TTC6: variants seen among roughly 807,000 people sequenced by gnomAD.
TTC6 encodes the protein tetratricopeptide repeat domain 6.
In TTC6, 172 loss-of-function variants were observed where a neutral mutation model predicts 210.4. That is an observed-to-expected ratio of 0.82 (90% CI 0.72 to 0.93). The LOEUF (loss-of-function observed/expected upper bound fraction) is 0.93. TTC6 is among the 40% of genes least tolerant of loss of function. The pLI is 0.00. For synonymous variants in TTC6, 804 were observed against 819.6 expected (o/e 0.98, Z 0.32); for missense variants, 2,414 against 2,318.1 (o/e 1.04, Z -0.85).
chr14:37,671,198 G>C (rs1242398982), intron 1 of TTC6, among the ~76,000 whole-genome samples: 1 of 152,186 alleles, frequency 6.6e-6, no homozygotes, highest in Non-Finnish European at 1.5e-5. Flanking sequence ...TTTGGTGCTG[G>C]TTGTTGGCAG....
At chr14:37,657,667 A>G (rs2095727406) in intron 1 of TTC6, among the ~76,000 whole-genome samples, 1 of 152,240 alleles carries the variant, frequency 6.6e-6, no homozygotes, top group Non-Finnish European at 1.5e-5. Flanking sequence ...TAGTATTTTA[A>G]TAAAAAATCA....
chr14:37,810,180 G>A (rs1299194107), intron 24 of TTC6, among the ~76,000 whole-genome samples: 1 of 152,144 alleles, frequency 6.6e-6, no homozygotes, highest in Non-Finnish European at 1.5e-5. Context: ...TTTAACAAGG[G>A]GATTGTTAAG....
At chr14:37,828,394 A>G (rs1457428259) in intron 29 of TTC6, among the ~76,000 whole-genome samples, 1 of 151,874 alleles carries the variant, frequency 6.6e-6, no homozygotes, top group East Asian at 1.9e-4. Flanking sequence ...TTATATTGTA[A>G]TAAGTTATTA....
intron 14 of TTC6, among the ~76,000 whole-genome samples, chr14:37,771,842 C>T (rs11844997): frequency 9.2e-5 from 14 of 152,136 alleles, no homozygotes; most frequent in African/African-American, 2.2e-4. Context: ...TTCCGTTGCT[C>T]GTGAGGAACT....
At chr14:37,758,403 C>T (rs2095974222) in intron 14 of TTC6, among the ~76,000 whole-genome samples, 1 of 152,166 alleles carries the variant, frequency 6.6e-6, no homozygotes. Flanking sequence ...GGATAGTTAG[C>T]TCTTCTTGTT....
At chr14:37,773,659 G>A (rs2096027838) in intron 14 of TTC6, among the ~76,000 whole-genome samples, 1 of 152,106 alleles carries the variant, frequency 6.6e-6, no homozygotes, top group African/African-American at 2.4e-5. Flanking sequence ...GGTTGCTGTG[G>A]CCTTGTAGTA....
chr14:37,732,705 G>T (rs1390769904), intron 7 of TTC6, among the ~76,000 whole-genome samples: 2 of 151,380 alleles, frequency 1.3e-5, no homozygotes, highest in African/African-American at 4.9e-5. Flanking sequence ...TGCAAGCTCC[G>T]CCTCCTGGGT....
At position 37,826,324 on chromosome 14, in the gene TTC6, C is replaced by T; in HGVS notation, c.5104C>T (p.Gln1702Ter). ...GATGGGTAATAATTTTGCTGCAATG[C>T]AGGATATTAATGCTGCCATGAAGGT... The change falls in exon 28 of 31, where the codon CAG (glutamine) becomes TAG (stop). Residue 1702 changes from glutamine (Q) to a stop codon, truncating the protein, a stop_gained. Coordinates refer to ENST00000553443, the Ensembl canonical transcript of TTC6. LOFTEE classifies it high-confidence loss of function. 6.2e-7 allele frequency: 1 copy of T among 1,607,990 alleles called. No individual in the cohort carries two copies. The highest frequency in any genetic ancestry group is 8.5e-7 in the Non-Finnish European group (1 of 1,177,424).
chr14:37,613,953 T>C (rs2095638643), intron 2 of TTC6, among the ~76,000 whole-genome samples: 2 of 152,072 alleles, frequency 1.3e-5, no homozygotes, highest in Admixed American at 1.3e-4. Flanking sequence ...TTCCATGTGA[T>C]TGATTTATAT....
At chr14:37,720,383 A>G (rs1241163661) in intron 6 of TTC6, 2 of 152,122 alleles carry the variant, frequency 1.3e-5, no homozygotes, top group Non-Finnish European at 2.9e-5. Flanking sequence ...CCTTACAGAA[A>G]TGAAAATTTA....
In TTC6 at chr14:37,599,047, C is replaced by T. The variant is rs2095610163; in HGVS notation, c.-235+3039C>T. ...TTCAAAGCCGACCCCAACTGGGACA[C>T]GGCTCAGCTTAGAAGTGAGGAAGGC... On this transcript the variant is annotated intron_variant, in intron 1 of 2. Transcript: ENST00000556845. Among the ~76,000 whole-genome samples the T allele has an allele frequency of 2.0e-5, 3 of 151,932 alleles. No homozygotes were observed. The South Asian group carries it at 6.2e-4, about 31-fold the overall frequency.
chr14:37,734,519 T>C (rs761095758), intron 7 of TTC6, among the ~76,000 whole-genome samples: 1 of 152,208 alleles, frequency 6.6e-6, no homozygotes, highest in Non-Finnish European at 1.5e-5. Context: ...AGCTCTGTGA[T>C]GTTTTGACCA....
At chr14:37,756,600 A>G (rs1320097041) in intron 14 of TTC6, among the ~76,000 whole-genome samples, 3 of 152,190 alleles carry the variant, frequency 2.0e-5, no homozygotes, top group Non-Finnish European at 4.4e-5. Context: ...ATCTATTGAG[A>G]TAATCATGTG....
chr14:37,796,759 A>G (rs372150206), intron 19 of TTC6, 28 bp from the exon 22 acceptor site: 1 of 1,583,794 alleles, frequency 6.3e-7, no homozygotes, highest in Middle Eastern at 1.7e-4. Flanking sequence ...CTTGGCAAAG[A>G]TATTGATAAA....
At chr14:37,734,665 G>A (rs2095896752) in intron 7 of TTC6, among the ~76,000 whole-genome samples, 1 of 152,034 alleles carries the variant, frequency 6.6e-6, no homozygotes, top group Non-Finnish European at 1.5e-5. Flanking sequence ...TTTATTGCAT[G>A]CATACCAATT....
intron 14 of TTC6, among the ~76,000 whole-genome samples, chr14:37,753,653 G>C (rs1040950): frequency 0.93 from 142,137 of 152,184 alleles, 67,169 homozygotes; most frequent in East Asian, 1. Flanking sequence ...ACTGCAGCCT[G>C]AATCTCCTGG....
intron 6 of TTC6, among the ~76,000 whole-genome samples, chr14:37,720,942 A>G (rs1215878201): frequency 1.3e-5 from 2 of 152,132 alleles, no homozygotes; most frequent in African/African-American, 2.4e-5. Flanking sequence ...ATATGGTACT[A>G]TGGTTTTGCC....
chr14:37,717,890 A>T (rs1046533766), intron 6 of TTC6, among the ~76,000 whole-genome samples: 10 of 152,208 alleles, frequency 6.6e-5, no homozygotes, highest in Admixed American at 4.6e-4. Flanking sequence ...GACCTTTAAG[A>T]GGTGATTAGG....
At chr14:37,677,746 T>C (rs939494320) in intron 1 of TTC6, among the ~76,000 whole-genome samples, 43 of 152,140 alleles carry the variant, frequency 2.8e-4, no homozygotes, top group Non-Finnish European at 5.4e-4. Context: ...CTGTGGTTCA[T>C]TTGTCATGGT....
Sources: allele counts gnomAD v4.1 joint callset (sites outside exome capture counted in the v4.1 genomes callset), GRCh38; gene constraint gnomAD v4.1.1; transcripts MANE v1.5; gene names NCBI Gene and HGNC (gene_info 2026-07-23, HGNC 2026-07-21).